CLSTN2: variants seen among roughly 807,000 people sequenced by gnomAD.
The protein encoded by CLSTN2 is calsyntenin-2.
Under a neutral mutation model 101.2 loss-of-function variants are expected in CLSTN2, and 48 were observed. The observed-to-expected ratio is 0.47, with a 90% CI of 0.38 to 0.60. The LOEUF is 0.60. CLSTN2 is among the 20% of genes least tolerant of loss of function. The pLI is 0.00. For synonymous variants in CLSTN2, 481 were observed against 463.6 expected, an observed-to-expected ratio of 1.04 and a Z score of -0.48; for missense variants, 1,160 against 1,238.2, an observed-to-expected ratio of 0.94 and a Z score of 0.95.
chr3:140,439,948 C>T (rs2088741230), intron 5 of CLSTN2, among the ~76,000 whole-genome samples: 1 of 152,214 alleles, frequency 6.6e-6, no homozygotes, highest in Non-Finnish European at 1.5e-5. Flanking sequence ...TTTCATACAT[C>T]TGCTCACTCA....
intron 2 of CLSTN2, among the ~76,000 whole-genome samples, chr3:140,338,837 C>A (rs1327832798): frequency 6.6e-6 from 1 of 152,178 alleles, no homozygotes; most frequent in Non-Finnish European, 1.5e-5. Flanking sequence ...CCTCCTTGCC[C>A]CCTTATAGCC....
intron 1 of CLSTN2, among the ~76,000 whole-genome samples, chr3:140,134,748 G>A (rs1017728695): frequency 6.6e-6 from 1 of 152,070 alleles, no homozygotes; most frequent in Non-Finnish European, 1.5e-5. Context: ...AAGCTGGGCT[G>A]GGGGAAGGAG....
chr3:140,310,578 T>C (rs2087158501), intron 2 of CLSTN2, among the ~76,000 whole-genome samples: 1 of 152,140 alleles, frequency 6.6e-6, no homozygotes, highest in African/African-American at 2.4e-5. Flanking sequence ...CTCGCCTCAG[T>C]CAGGGTGCTT....
At chr3:140,397,162 T>G (rs2107974459) in intron 2 of CLSTN2, among the ~76,000 whole-genome samples, 1 of 152,282 alleles carries the variant, frequency 6.6e-6, no homozygotes. Context: ...GTGCCATTGT[T>G]TACATTTTTG....
At chr3:140,296,037 G>A (rs1576503745) in intron 2 of CLSTN2, among the ~76,000 whole-genome samples, 1 of 152,298 alleles carries the variant, frequency 6.6e-6, no homozygotes, top group East Asian at 1.9e-4. Flanking sequence ...CTCCTGCTCT[G>A]ATTTACAATA....
At chr3:140,443,219 C>A (rs1013787461) in intron 5 of CLSTN2, among the ~76,000 whole-genome samples, 6 of 152,204 alleles carry the variant, frequency 3.9e-5, no homozygotes, top group African/African-American at 1.4e-4. Context: ...GGCTCCTGTG[C>A]GTGCACATTT....
chr3:140,414,093 A>G (rs2088399057), intron 4 of CLSTN2, among the ~76,000 whole-genome samples: 1 of 152,124 alleles, frequency 6.6e-6, no homozygotes. Flanking sequence ...CACATCAGAA[A>G]GGAATAAGTA....
chr3:140,546,364 T>G, intron 9 of CLSTN2, 151 bp from the exon 10 acceptor site: 1 of 705,110 alleles, frequency 1.4e-6, no homozygotes, highest in Non-Finnish European at 2.4e-6. Flanking sequence ...CTTACTGAGA[T>G]TCTGGCTACT....
intron 2 of CLSTN2, among the ~76,000 whole-genome samples, chr3:140,313,149 T>C (rs191553253): frequency 2.1e-4 from 32 of 152,266 alleles, no homozygotes; most frequent in Admixed American, 1.8e-3. Flanking sequence ...CCTATTTTGG[T>C]AGAAAAGTCC....
intron 1 of CLSTN2, among the ~76,000 whole-genome samples, chr3:140,012,457 G>T (rs1432048362): frequency 6.6e-6 from 1 of 152,116 alleles, no homozygotes; most frequent in Non-Finnish European, 1.5e-5. Context: ...TCCTGCCTTC[G>T]ACTCTTAGCC....
At chr3:139,967,849 T>G (rs1426426524) in intron 1 of CLSTN2, among the ~76,000 whole-genome samples, 3 of 152,162 alleles carry the variant, frequency 2.0e-5, no homozygotes, top group Non-Finnish European at 2.9e-5. Flanking sequence ...AAACATGATG[T>G]GCAGGCAGAA....
intron 2 of CLSTN2, among the ~76,000 whole-genome samples, chr3:140,373,747 C>T (rs1301208501): frequency 6.6e-6 from 1 of 152,176 alleles, no homozygotes; most frequent in Admixed American, 6.5e-5. Context: ...GTTGGTAAGT[C>T]AGGAAATGCA....
rs117697777 is a variant in CLSTN2, at chr3:140,360,802, C to T, written c.233-42827C>T. On this transcript the variant is annotated intron_variant, in intron 2 of 16. Transcript: ENST00000458420. ...AAAAACCCCAAATAATTAAAACTGA[C>T]TCAAAAAGAAATAGAAAATCAGAAT... Among the ~76,000 whole-genome samples, 376 of 152,148 alleles carry T rather than the reference C, an allele frequency of 2.5e-3. 2 individuals are homozygous for T. The highest frequency in any genetic ancestry group is 0.018 in the East Asian group (91 of 5,166).
chr3:140,056,158 T>C (rs992604713), intron 1 of CLSTN2, among the ~76,000 whole-genome samples: 11 of 152,122 alleles, frequency 7.2e-5, no homozygotes, highest in Non-Finnish European at 1.3e-4. Context: ...CAGCAGAGTA[T>C]GGAATGAACA....
At chr3:140,554,948 T>G (rs1447361283) in intron 10 of CLSTN2, among the ~76,000 whole-genome samples, 1 of 152,242 alleles carries the variant, frequency 6.6e-6, no homozygotes, top group Non-Finnish European at 1.5e-5. Context: ...TGATTATATA[T>G]TTATAAGAAT....
At position 140,566,200 on chromosome 3, in the gene CLSTN2, A is replaced by G; in HGVS notation, c.2815A>G (p.Asn939Asp). ...EGMGRGRHGQNGARQAQLEWD... is the reference protein window; with the variant it reads ...EGMGRGRHGQDGARQAQLEWD... ...GATGGGCAGAGGCAGACATGGGCAGAATGGAGCCAGGCAAGCCCAGCTGGA... is the reference window on the plus strand; with the variant it reads ...GATGGGCAGAGGCAGACATGGGCAGGATGGAGCCAGGCAAGCCCAGCTGGA... Residue 939 changes from asparagine to aspartate, a missense_variant, in exon 17 of 17, where the codon AAT becomes GAT. Transcript: ENST00000458420. 2 of 1,603,026 alleles carry G rather than the reference A, an allele frequency of 1.2e-6. No individual in the cohort carries two copies. Among genetic ancestry groups the G allele is most frequent in the Non-Finnish European group, 1.7e-6 (2 of 1,174,470 alleles).
chr3:140,173,617 C>CA (rs765223229), intron 1 of CLSTN2, among the ~76,000 whole-genome samples: 63 of 152,236 alleles, frequency 4.1e-4, no homozygotes, highest in Admixed American at 3.3e-4. Context: ...TCCCCTGCAG[C>CA]AAACTTTTGC....
intron 4 of CLSTN2, among the ~76,000 whole-genome samples, chr3:140,415,503 A>AAAAAAAAAAAAAAAAAAT (rs2088421402): frequency 6.6e-6 from 1 of 150,554 alleles, no homozygotes; most frequent in Non-Finnish European, 1.5e-5. Flanking sequence ...AAAAAAAAAA[A>AAAAAAAAAAAAAAAAAAT]AAAAAAACAA....
At chr3:139,943,687 G>A (rs1455410397) in intron 1 of CLSTN2, among the ~76,000 whole-genome samples, 2 of 152,150 alleles carry the variant, frequency 1.3e-5, no homozygotes, top group Non-Finnish European at 2.9e-5. Context: ...TCTGGGGATG[G>A]GAGCTGGAAC....
Sources: allele counts gnomAD v4.1 joint callset (sites outside exome capture counted in the v4.1 genomes callset), GRCh38; gene constraint gnomAD v4.1.1; transcripts MANE v1.5; gene names NCBI Gene and HGNC (gene_info 2026-07-23, HGNC 2026-07-21).